Variants in GALNTL6 observed in about 807,000 individuals in gnomAD.
GALNTL6 encodes the protein polypeptide N-acetylgalactosaminyltransferase-like 6.
In GALNTL6, 46 loss-of-function variants were observed where a neutral mutation model predicts 73.7. That is an observed-to-expected ratio of 0.62 (90% CI 0.49 to 0.80). GALNTL6 has a LOEUF of 0.80. Ranked by LOEUF, GALNTL6 falls within the 30% of genes least tolerant of loss-of-function variation. GALNTL6 has a pLI of 0.00. For missense variants in GALNTL6, 604 were observed against 755.0 expected (o/e 0.80, Z 2.34); for synonymous variants, 259 against 263.7 (o/e 0.98, Z 0.17).
intron 2 of GALNTL6, among the ~76,000 whole-genome samples, chr4:172,044,923 A>G (rs1742177209): frequency 6.6e-6 from 1 of 152,038 alleles, no homozygotes; most frequent in African/African-American, 2.4e-5. Flanking sequence ...TTTTCTATAC[A>G]ATATATTTCA....
intron 2 of GALNTL6, chr4:172,052,394 G>C: frequency 7.2e-7 from 1 of 1,387,848 alleles, no homozygotes. Context: ...ATCCTTCATA[G>C]TAACCACAAG....
At chr4:172,817,716 A>T (rs537450949) in intron 7 of GALNTL6, among the ~76,000 whole-genome samples, 1 of 152,346 alleles carries the variant, frequency 6.6e-6, no homozygotes, top group East Asian at 1.9e-4. Context: ...CTAAGAAATT[A>T]TCTTGTCCAA....
intron 2 of GALNTL6, among the ~76,000 whole-genome samples, chr4:172,178,405 G>T (rs1019460321): frequency 6.6e-6 from 1 of 152,056 alleles, no homozygotes; most frequent in Non-Finnish European, 1.5e-5. Flanking sequence ...TTCTTCTAAT[G>T]CTGTTCCTCC....
intron 5 of GALNTL6, among the ~76,000 whole-genome samples, chr4:172,489,936 GA>G (rs1733837827): frequency 1.3e-5 from 2 of 152,160 alleles, no homozygotes; most frequent in African/African-American, 4.8e-5. Context: ...ATTAGATACT[GA>G]AAAAGAGGAG....
chr4:172,111,952 A>G (rs1006632205), intron 2 of GALNTL6, among the ~76,000 whole-genome samples: 9 of 152,052 alleles, frequency 5.9e-5, no homozygotes, highest in Non-Finnish European at 1.2e-4. Context: ...CTTAGTTCAC[A>G]TTAGGTTTCA....
At chr4:172,966,968 T>C (rs1375347865) in intron 10 of GALNTL6, among the ~76,000 whole-genome samples, 1 of 152,212 alleles carries the variant, frequency 6.6e-6, no homozygotes, top group Non-Finnish European at 1.5e-5. Context: ...TCTTAGATTT[T>C]GTAAGCAACC....
intron 5 of GALNTL6, among the ~76,000 whole-genome samples, chr4:172,440,792 A>C (rs1579073649): frequency 7.5e-6 from 1 of 133,618 alleles, no homozygotes; most frequent in South Asian, 2.4e-4. Flanking sequence ...AAAATAAATA[A>C]AGTCTTAAAA....
At chr4:171,988,858 T>C (rs1335772709) in intron 2 of GALNTL6, among the ~76,000 whole-genome samples, 7 of 151,840 alleles carry the variant, frequency 4.6e-5, no homozygotes, top group East Asian at 3.9e-4. Flanking sequence ...GGAGTAGAGG[T>C]GTCTTATACT....
intron 5 of GALNTL6, among the ~76,000 whole-genome samples, chr4:172,487,040 T>C (rs1255862162): frequency 6.6e-6 from 1 of 152,208 alleles, no homozygotes; most frequent in South Asian, 2.1e-4. Context: ...CTTAATGCAA[T>C]TGAGCAGCAA....
intron 5 of GALNTL6, among the ~76,000 whole-genome samples, chr4:172,757,661 C>T (rs764463151): frequency 1.1e-4 from 16 of 152,172 alleles, no homozygotes; most frequent in Non-Finnish European, 2.2e-4. Flanking sequence ...AGGACATCCA[C>T]GAACTAATTA....
Position 172,348,665 on chromosome 4 carries a change from CT to C in GALNTL6, c.530del (p.Leu177GlnfsTer2). 6.2e-7 allele frequency: 1 copy of C among 1,610,118 alleles called. No individual in the cohort carries two copies. Among genetic ancestry groups the C allele is most frequent in the Non-Finnish European group, 8.5e-7 (1 of 1,177,672 alleles). ...TPGSLIAEII[L>X]VDDFSEREHL... ...AGGGAGTCTGATAGCAGAAATCATTCTAGTAGATGACTTCAGTGAGAGAGGT... is the reference window on the plus strand; with the variant it reads ...AGGGAGTCTGATAGCAGAAATCATTCAGTAGATGACTTCAGTGAGAGAGGT... On this transcript the variant is annotated frameshift_variant, in exon 5 of 13. Coordinates refer to ENST00000506823, the MANE Select transcript of GALNTL6 (RefSeq NM_001034845.3). LOFTEE classifies it high-confidence loss of function.
At chr4:172,819,108 C>T (rs1741782420) in intron 7 of GALNTL6, among the ~76,000 whole-genome samples, 1 of 152,176 alleles carries the variant, frequency 6.6e-6, no homozygotes, top group Non-Finnish European at 1.5e-5. Context: ...TCCTTATGAG[C>T]TGGTTCTGCA....
intron 5 of GALNTL6, among the ~76,000 whole-genome samples, chr4:172,644,300 T>TATACAC (rs1401628629): frequency 6.6e-6 from 1 of 151,534 alleles, no homozygotes; most frequent in East Asian, 1.9e-4. Context: ...TACATATACA[T>TATACAC]ATACACATAC....
At position 172,069,585 on chromosome 4, in the gene GALNTL6, A is replaced by AATATATAACACATGTGT. The variant is rs1553989818; in HGVS notation, c.139-160071_139-160070insATATATAACACATGTGT. On this transcript the variant is annotated intron_variant, in intron 2 of 12. Transcript: ENST00000506823. ...ATATAACACATATATGTTATATATT[A>AATATATAACACATGTGT]TATATATAACACATATATGTTATAT... Among the ~76,000 whole-genome samples the AATATATAACACATGTGT allele has an allele frequency of 1.3e-4, 3 of 23,416 alleles. 1 individual carries two copies. Among genetic ancestry groups the AATATATAACACATGTGT allele is most frequent in the African/African-American group, 2.9e-4 (3 of 10,194 alleles). The allele number at this position is 23,416 out of a possible 152,430, so 15.4% of individuals were successfully genotyped here. A position where few individuals can be genotyped will look rare whatever the true frequency, so the allele number is the denominator to read the frequency against.
intron 3 of GALNTL6, among the ~76,000 whole-genome samples, chr4:172,278,721 A>G (rs111750832): frequency 1.8e-3 from 276 of 152,312 alleles, no homozygotes; most frequent in African/African-American, 6.0e-3. Context: ...TATTCTAGAT[A>G]TAGAATTCCA....
chr4:172,718,549 G>T (rs1198461330), intron 5 of GALNTL6, among the ~76,000 whole-genome samples: 2 of 151,898 alleles, frequency 1.3e-5, no homozygotes, highest in Non-Finnish European at 2.9e-5. Context: ...GAGGCAGGAG[G>T]ATCACTTGAG....
intron 5 of GALNTL6, among the ~76,000 whole-genome samples, chr4:172,434,367 T>C (rs1731562710): frequency 6.6e-6 from 1 of 152,110 alleles, no homozygotes; most frequent in South Asian, 2.1e-4. Flanking sequence ...AGTTGACACA[T>C]TACATTACCC....
chr4:172,053,334 CCA>C (rs1395105916), intron 2 of GALNTL6, among the ~76,000 whole-genome samples: 1 of 151,896 alleles, frequency 6.6e-6, no homozygotes, highest in Non-Finnish European at 1.5e-5. Context: ...GGTGCTATCC[CCA>C]GTCATTATAG....
At chr4:172,810,143 T>C (rs890686454) in intron 6 of GALNTL6, among the ~76,000 whole-genome samples, 1 of 152,176 alleles carries the variant, frequency 6.6e-6, no homozygotes, top group African/African-American at 2.4e-5. Context: ...AGATTCCTTC[T>C]AACACAGTGC....
Sources: allele counts gnomAD v4.1 joint callset (sites outside exome capture counted in the v4.1 genomes callset), GRCh38; gene constraint gnomAD v4.1.1; transcripts MANE v1.5; gene names NCBI Gene and HGNC (gene_info 2026-07-23, HGNC 2026-07-21).